LRRC4C: variants seen among roughly 807,000 people sequenced by gnomAD.
LRRC4C encodes the protein leucine rich repeat containing 4C.
A neutral mutation model predicts 33.6 loss-of-function variants in LRRC4C; 5 were observed. That is an observed-to-expected ratio of 0.15 (90% CI 0.08 to 0.31). LRRC4C has a LOEUF of 0.31. Ranked by LOEUF, LRRC4C falls within the 10% of genes least tolerant of loss-of-function variation. The probability of loss-of-function intolerance (pLI) is 1.00; values close to 1 mark genes in which losing one functional copy is unlikely to be tolerated. For synonymous variants in LRRC4C, 329 were observed against 302.0 expected (o/e 1.09, Z -0.93); for missense variants, 560 against 796.7 (o/e 0.70, Z 3.58).
chr11:40,981,614 C>T (rs1311268588), intron 1 of LRRC4C, among the ~76,000 whole-genome samples: 1 of 152,122 alleles, frequency 6.6e-6, no homozygotes, highest in East Asian at 1.9e-4. Context: ...CATATTCATG[C>T]ACACATACAT....
At chr11:40,450,336 A>G (rs1001996659) in intron 3 of LRRC4C, among the ~76,000 whole-genome samples, 2 of 152,206 alleles carry the variant, frequency 1.3e-5, no homozygotes, top group East Asian at 3.8e-4. Flanking sequence ...ATGATTAAAT[A>G]AATATATCAC....
intron 1 of LRRC4C, among the ~76,000 whole-genome samples, chr11:41,237,917 C>A (rs901804161): frequency 2.0e-5 from 3 of 152,080 alleles, no homozygotes; most frequent in Admixed American, 6.5e-5. Context: ...TTAAAAATAT[C>A]TTTTCAAGAC....
intron 5 of LRRC4C, among the ~76,000 whole-genome samples, chr11:40,196,214 C>T (rs188726619): frequency 6.6e-6 from 1 of 152,240 alleles, no homozygotes; most frequent in East Asian, 1.9e-4. Context: ...TTAGGGCAGA[C>T]ACTACGAAGG....
At chr11:41,165,284 T>C (rs1323208828) in intron 1 of LRRC4C, among the ~76,000 whole-genome samples, 6 of 152,110 alleles carry the variant, frequency 3.9e-5, no homozygotes, top group Non-Finnish European at 4.4e-5. Flanking sequence ...AATAAGGGTA[T>C]GGGATCACCA....
chr11:41,062,262 A>C (rs890359256), intron 1 of LRRC4C, among the ~76,000 whole-genome samples: 24 of 152,226 alleles, frequency 1.6e-4, no homozygotes, highest in African/African-American at 5.8e-4. Context: ...TTCACCCTTC[A>C]AAAGGCACCA....
intron 2 of LRRC4C, among the ~76,000 whole-genome samples, chr11:40,672,044 G>A (rs539369523): frequency 1.3e-5 from 2 of 152,328 alleles, no homozygotes; most frequent in South Asian, 2.1e-4. Context: ...CATCACTGGA[G>A]TGGTTGTTTT....
intron 2 of LRRC4C, among the ~76,000 whole-genome samples, chr11:40,685,728 G>C (rs977465325): frequency 2.0e-5 from 3 of 151,804 alleles, no homozygotes; most frequent in African/African-American, 7.3e-5. Context: ...GAGAGAACTT[G>C]ATCAGTACTG....
intron 3 of LRRC4C, among the ~76,000 whole-genome samples, chr11:40,320,378 G>A (rs1194912552): frequency 6.6e-5 from 10 of 152,016 alleles, no homozygotes; most frequent in African/African-American, 1.7e-4. Context: ...GGTGGTGGGC[G>A]CCTGTAGTCC....
At chr11:41,448,316 T>G (rs1955904902) in intron 1 of LRRC4C, among the ~76,000 whole-genome samples, 1 of 146,628 alleles carries the variant, frequency 6.8e-6, no homozygotes, top group East Asian at 2.0e-4. Flanking sequence ...TTTTTTTTTT[T>G]TTTTTTTGAG....
chr11:40,270,059 T>G (rs952740307), intron 4 of LRRC4C, among the ~76,000 whole-genome samples: 7 of 152,102 alleles, frequency 4.6e-5, no homozygotes. Context: ...ACGCCTCCCA[T>G]ACTGGGGGAC....
At chr11:41,148,066 TG>T (rs1165050502) in intron 1 of LRRC4C, among the ~76,000 whole-genome samples, 1 of 152,090 alleles carries the variant, frequency 6.6e-6, no homozygotes, top group African/African-American at 2.4e-5. Flanking sequence ...TTGCCCAGGC[TG>T]GAATGCAGTG....
chr11:41,250,107 T>G (rs1948591667), intron 1 of LRRC4C, among the ~76,000 whole-genome samples: 1 of 152,036 alleles, frequency 6.6e-6, no homozygotes, highest in Non-Finnish European at 1.5e-5. Context: ...AAGCAAAGGT[T>G]GCAGTGAGCT....
At chr11:40,312,062 T>G (rs191966314) in intron 4 of LRRC4C, among the ~76,000 whole-genome samples, 1 of 152,124 alleles carries the variant, frequency 6.6e-6, no homozygotes, top group African/African-American at 2.4e-5. Context: ...TTATTTATCA[T>G]AGATGTGGGT....
intron 5 of LRRC4C, among the ~76,000 whole-genome samples, chr11:40,213,840 C>G (rs1863781386): frequency 6.6e-6 from 1 of 151,958 alleles, no homozygotes; most frequent in African/African-American, 2.4e-5. Context: ...CTAATATGTG[C>G]CAAGTTTTCT....
At chr11:40,976,601 A>T (rs1390769272) in intron 1 of LRRC4C, among the ~76,000 whole-genome samples, 1 of 152,176 alleles carries the variant, frequency 6.6e-6, no homozygotes. Context: ...TTCAAAATCC[A>T]ATTGGTATGG....
intron 1 of LRRC4C, among the ~76,000 whole-genome samples, chr11:41,401,886 G>A (rs1954039106): frequency 6.6e-6 from 1 of 151,920 alleles, no homozygotes; most frequent in South Asian, 2.1e-4. Flanking sequence ...CTAAAGGAAT[G>A]CCATTGCATT....
intron 1 of LRRC4C, among the ~76,000 whole-genome samples, chr11:41,196,124 T>C (rs1215724780): frequency 6.6e-6 from 1 of 152,098 alleles, no homozygotes; most frequent in Non-Finnish European, 1.5e-5. Flanking sequence ...AATTGGAATA[T>C]TTCCAAAATG....
At chr11:41,030,414 A>G (rs1316614007) in intron 1 of LRRC4C, among the ~76,000 whole-genome samples, 2 of 151,840 alleles carry the variant, frequency 1.3e-5, no homozygotes, top group Admixed American at 6.6e-5. Flanking sequence ...GACCTGTATC[A>G]TAACCCTCAA....
intron 3 of LRRC4C, among the ~76,000 whole-genome samples, chr11:40,563,229 G>T (rs1326634164): frequency 2.0e-5 from 3 of 152,116 alleles, no homozygotes; most frequent in Non-Finnish European, 2.9e-5. Context: ...GAGTTTTTGG[G>T]ATCCTCATCA....
Sources: gnomAD v4.1 joint callset for allele counts (sites outside exome capture counted in the v4.1 genomes callset) on GRCh38, gnomAD v4.1.1 for gene constraint, MANE v1.5 for transcripts, NCBI Gene and HGNC (gene_info 2026-07-23, HGNC 2026-07-21) for gene names.